The following FNIP2 variants were observed in gnomAD, a reference collection of about 807,000 sequenced individuals.
FNIP2 encodes the protein folliculin-interacting protein 2.
In FNIP2, 32 loss-of-function variants were observed where a neutral mutation model predicts 108.7. The observed-to-expected ratio is 0.29, with a 90% CI of 0.22 to 0.40. The LOEUF (loss-of-function observed/expected upper bound fraction) is 0.40, where lower values mean the gene tolerates loss of function less well. Ranked by LOEUF, FNIP2 falls within the 10% of genes least tolerant of loss-of-function variation. The probability of loss-of-function intolerance (pLI) is 1.00; values close to 1 mark genes in which losing one functional copy is unlikely to be tolerated. For synonymous variants in FNIP2, 480 were observed against 496.7 expected, an observed-to-expected ratio of 0.97 and a Z score of 0.45; for missense variants, 1,202 against 1,381.6, an observed-to-expected ratio of 0.87 and a Z score of 2.06.
intron 7 of FNIP2, among the ~76,000 whole-genome samples, chr4:158,847,094 CTTG>C (rs1779447550): frequency 6.6e-6 from 1 of 152,216 alleles, no homozygotes; most frequent in Non-Finnish European, 1.5e-5. Context: ...GCAGCTGGAA[CTTG>C]AGTTACAGAA....
chr4:158,835,497 G>T, intron 7 of FNIP2, 21 bp downstream of exon 7: 2 of 1,603,448 alleles, frequency 1.2e-6, no homozygotes, highest in South Asian at 2.2e-5. Flanking sequence ...TCTGTTTATT[G>T]GTTTAACTAA....
At chr4:158,779,315 C>T (rs1237820914) in intron 1 of FNIP2, among the ~76,000 whole-genome samples, 1 of 151,992 alleles carries the variant, frequency 6.6e-6, no homozygotes, top group Non-Finnish European at 1.5e-5. Flanking sequence ...TGTCCAGCAG[C>T]AGGGAAGTAT....
At chr4:158,854,514 G>A (rs138580118) in intron 8 of FNIP2, among the ~76,000 whole-genome samples, 2 of 152,356 alleles carry the variant, frequency 1.3e-5, no homozygotes, top group African/African-American at 4.8e-5. Context: ...TGGGCTGCAA[G>A]CCCTGGGTTC....
rs545084951 is a variant in FNIP2, at chr4:158,827,115, T to C, written c.234+1073T>C. Reference sequence around the variant, plus strand: ...GGTGGCTAATCATTACAGTAGTTGTTGGGCTTGTTAGGTAGGTGAAGGGAG... The same window carrying C: ...GGTGGCTAATCATTACAGTAGTTGTCGGGCTTGTTAGGTAGGTGAAGGGAG... On this transcript the variant is annotated intron_variant, in intron 2 of 16. Transcript: ENST00000264433. Among the ~76,000 whole-genome samples the C allele has an allele frequency of 1.8e-4, 28 of 152,258 alleles. No individual in the cohort carries two copies. The Middle Eastern group carries it at 0.01, about 55-fold the overall frequency.
chr4:158,818,991 C>G (rs952525435), intron 1 of FNIP2, among the ~76,000 whole-genome samples: 1 of 152,234 alleles, frequency 6.6e-6, no homozygotes, highest in Non-Finnish European at 1.5e-5. Context: ...GTGGACTTGA[C>G]CTCTTTATCC....
chr4:158,862,748 C>A (rs747722811), intron 12 of FNIP2, among the ~76,000 whole-genome samples: 3 of 151,934 alleles, frequency 2.0e-5, no homozygotes, highest in Admixed American at 6.6e-5. Context: ...CTTGGTCATA[C>A]GGGAAGTTTT....
At chr4:158,883,520 C>T (rs1267403317) in intron 14 of FNIP2, among the ~76,000 whole-genome samples, 1 of 152,210 alleles carries the variant, frequency 6.6e-6, no homozygotes, top group Non-Finnish European at 1.5e-5. Context: ...GGATTACAGG[C>T]GTGAGCCATC....
chr4:158,770,354 T>C (rs1310460282), intron 1 of FNIP2, among the ~76,000 whole-genome samples: 3 of 152,238 alleles, frequency 2.0e-5, no homozygotes, highest in African/African-American at 7.2e-5. Flanking sequence ...TCTGACACTA[T>C]GCTAGGTGCT....
intron 8 of FNIP2, among the ~76,000 whole-genome samples, chr4:158,855,140 T>G (rs1779913105): frequency 6.6e-6 from 1 of 152,148 alleles, no homozygotes. Context: ...CAGTTCAAAG[T>G]ACTCAGCATA....
intron 1 of FNIP2, among the ~76,000 whole-genome samples, chr4:158,769,654 C>T (rs2126388102): frequency 6.6e-6 from 1 of 152,306 alleles, no homozygotes; most frequent in African/African-American, 2.4e-5. Context: ...CGGGCAGAGC[C>T]GCCTGGGCAC....
At chr4:158,884,387 A>G (rs1560831341) in intron 14 of FNIP2, among the ~76,000 whole-genome samples, 3 of 152,224 alleles carry the variant, frequency 2.0e-5, no homozygotes, top group Non-Finnish European at 4.4e-5. Context: ...TGAGTAGACA[A>G]ACATGTGAAA....
chr4:158,831,781 G>A lies in FNIP2; in HGVS notation c.382-80G>A, dbSNP rs1028115604. 7.8e-6 allele frequency: 7 copies of A among 894,114 alleles called. No homozygotes were observed. In the African/African-American group the frequency reaches 8.3e-5, roughly 11 times the overall value. The allele number at this position is 894,114 out of a possible 1,614,324, so 55.4% of individuals were successfully genotyped here. On this transcript the variant is annotated intron_variant, in intron 3 of 16. Coordinates refer to ENST00000264433, the MANE Select transcript of FNIP2 (RefSeq NM_020840.3). ...AGTTTTAATCACCGATGACACTAAC[G>A]AGATTAATAAACATTATTTTCTGTT...
intron 7 of FNIP2, among the ~76,000 whole-genome samples, chr4:158,849,908 A>G (rs1333287195): frequency 6.6e-6 from 1 of 152,218 alleles, no homozygotes; most frequent in African/African-American, 2.4e-5. Context: ...AAGACCTACC[A>G]AACAAATTTT....
At chr4:158,784,590 T>C (rs1011223864) in intron 1 of FNIP2, among the ~76,000 whole-genome samples, 2 of 152,230 alleles carry the variant, frequency 1.3e-5, no homozygotes, top group Admixed American at 1.3e-4. Flanking sequence ...AGGTCCCATC[T>C]GGGGTTGATG....
chr4:158,800,364 T>C lies in FNIP2; in HGVS notation c.108-25552T>C, dbSNP rs116036868. Among the ~76,000 whole-genome samples the C allele has an allele frequency of 8.1e-3, 1,240 of 152,348 alleles. 17 individuals carry two copies. The highest frequency in any genetic ancestry group is 0.028 in the African/African-American group (1,171 of 41,574). On this transcript the variant is annotated intron_variant, in intron 1 of 16. Transcript: ENST00000264433. ...GGGTAATGGCTACGGCTATATACTT[T>C]TGCTGGTTTTTATAAATATTAATGA...
At chr4:158,896,437 TCTTA>T (rs1230347898) in intron 16 of FNIP2, among the ~76,000 whole-genome samples, 2 of 152,328 alleles carry the variant, frequency 1.3e-5, no homozygotes, top group Non-Finnish European at 2.9e-5. Flanking sequence ...GGGAAGTAAT[TCTTA>T]CTTCTGTTTT....
At chr4:158,865,149 C>T (rs968691966) in intron 12 of FNIP2, among the ~76,000 whole-genome samples, 1 of 152,164 alleles carries the variant, frequency 6.6e-6, no homozygotes, top group Non-Finnish European at 1.5e-5. Context: ...CCATTTGCCT[C>T]TCTTTTAAAT....
At chr4:158,833,466 C>T in intron 5 of FNIP2, 62 bp from the exon 6 acceptor site, 1 of 1,001,216 alleles carries the variant, frequency 1.0e-6, no homozygotes, top group South Asian at 1.6e-5. Context: ...TAGAAAACAG[C>T]TTTAGTAGCT....
rs936251697 is a variant in FNIP2 at position 158,822,445 on chromosome 4, G to T, written c.108-3471G>T. ...CGGCCTCGGTCTCCCAAAGTCCTGG[G>T]ATTACAGACATGAGCCATTGTGCCT... On this transcript the variant is annotated intron_variant, in intron 1 of 16. Coordinates refer to ENST00000264433, the MANE Select transcript of FNIP2 (RefSeq NM_020840.3). Among the ~76,000 whole-genome samples, 5 of 152,234 alleles carry T rather than the reference G, an allele frequency of 3.3e-5. No homozygotes were observed. In the East Asian group the frequency reaches 9.7e-4, roughly 29 times the overall value.
Sources: gnomAD v4.1 joint callset for allele counts (sites outside exome capture counted in the v4.1 genomes callset) on GRCh38, gnomAD v4.1.1 for gene constraint, MANE v1.5 for transcripts, NCBI Gene and HGNC (gene_info 2026-07-23, HGNC 2026-07-21) for gene names.